ADGRL3: variants seen among roughly 807,000 people sequenced by gnomAD.
ADGRL3 encodes adhesion G protein-coupled receptor L3.
In ADGRL3, 62 loss-of-function variants were observed where a neutral mutation model predicts 153.5. The observed-to-expected ratio is 0.40, with a 90% CI of 0.33 to 0.50. The LOEUF (loss-of-function observed/expected upper bound fraction) is 0.50, where lower values mean the gene tolerates loss of function less well. Ranked by LOEUF, ADGRL3 falls within the 20% of genes least tolerant of loss-of-function variation. The pLI, the probability that ADGRL3 is intolerant of heterozygous loss-of-function variation, is 0.47. For synonymous variants in ADGRL3, 710 were observed against 672.5 expected, an observed-to-expected ratio of 1.06 and a Z score of -0.86; for missense variants, 1,641 against 1,859.4, an observed-to-expected ratio of 0.88 and a Z score of 2.16.
chr4:61,228,406 G>A (rs553496901), intron 1 of ADGRL3, among the ~76,000 whole-genome samples: 1 of 152,124 alleles, frequency 6.6e-6, no homozygotes, highest in South Asian at 2.1e-4. Flanking sequence ...CCATGTGGTT[G>A]TGGATATAGA....
At chr4:61,698,401 G>A (rs1033516702) in intron 6 of ADGRL3, among the ~76,000 whole-genome samples, 10 of 152,020 alleles carry the variant, frequency 6.6e-5, no homozygotes, top group African/African-American at 2.4e-4. Flanking sequence ...GCAGTGAGCC[G>A]AGATCACGCC....
At chr4:61,711,988 A>G (rs1317251614) in intron 6 of ADGRL3, among the ~76,000 whole-genome samples, 1 of 150,640 alleles carries the variant, frequency 6.6e-6, no homozygotes, top group Non-Finnish European at 1.5e-5. Flanking sequence ...CTATCAGGGA[A>G]AAACATGTTT....
intron 6 of ADGRL3, among the ~76,000 whole-genome samples, chr4:61,689,071 G>T (rs749265015): frequency 3.3e-5 from 5 of 152,158 alleles, no homozygotes; most frequent in Non-Finnish European, 7.4e-5. Context: ...AATCTACGCT[G>T]AGCTCACTGG....
chr4:61,872,878 T>C (rs2098453995), intron 9 of ADGRL3, among the ~76,000 whole-genome samples: 1 of 152,194 alleles, frequency 6.6e-6, no homozygotes, highest in African/African-American at 2.4e-5. Context: ...CCTAAACTGA[T>C]TGGTGTTTAT....
intron 9 of ADGRL3, among the ~76,000 whole-genome samples, chr4:61,848,629 A>G (rs2098165768): frequency 6.6e-6 from 1 of 152,108 alleles, no homozygotes; most frequent in Non-Finnish European, 1.5e-5. Context: ...GAGGGACACA[A>G]TTCAACCCAT....
At chr4:61,869,960 A>AG (rs1436029616) in intron 9 of ADGRL3, among the ~76,000 whole-genome samples, 17 of 101,876 alleles carry the variant, frequency 1.7e-4, no homozygotes, top group East Asian at 7.9e-4. Flanking sequence ...AAAAAAAAAA[A>AG]AGAGAGAGAG....
At chr4:61,228,692 T>C (rs570872370) in intron 1 of ADGRL3, among the ~76,000 whole-genome samples, 1 of 152,318 alleles carries the variant, frequency 6.6e-6, no homozygotes, top group African/African-American at 2.4e-5. Context: ...TGTCTGAACT[T>C]ACACTGCAGC....
intron 4 of ADGRL3, among the ~76,000 whole-genome samples, chr4:61,584,680 A>G (rs1305417374): frequency 6.6e-6 from 1 of 151,986 alleles, no homozygotes; most frequent in Non-Finnish European, 1.5e-5. Flanking sequence ...AAATGGTTAT[A>G]AAAGTTAAGA....
intron 11 of ADGRL3, among the ~76,000 whole-genome samples, chr4:61,907,035 G>T (rs1395785911): frequency 6.6e-6 from 1 of 152,020 alleles, no homozygotes. Context: ...TGTACATAAT[G>T]ATACTGTTAT....
At chr4:61,285,788 T>C (rs957252685) in intron 1 of ADGRL3, among the ~76,000 whole-genome samples, 1 of 151,742 alleles carries the variant, frequency 6.6e-6, no homozygotes, top group Non-Finnish European at 1.5e-5. Flanking sequence ...TGGTACCAGA[T>C]ATGAATAGAG....
intron 21 of ADGRL3, among the ~76,000 whole-genome samples, chr4:62,006,809 T>C (rs1342989993): frequency 6.6e-6 from 1 of 152,088 alleles, no homozygotes; most frequent in African/African-American, 2.4e-5. Flanking sequence ...AAATGGTGAC[T>C]TTCCAGCCAA....
chr4:61,291,615 TATATATATATAA>T, intron 1 of ADGRL3, among the ~76,000 whole-genome samples: 1 of 21,010 alleles, frequency 4.8e-5, no homozygotes, highest in African/African-American at 8.9e-5. Context: ...CACACACATA[TATATATATATAA>T]AATATTTATT....
chr4:61,280,503 T>C (rs1397954397), intron 1 of ADGRL3, among the ~76,000 whole-genome samples: 4 of 152,126 alleles, frequency 2.6e-5, no homozygotes, highest in Non-Finnish European at 4.4e-5. Context: ...TAGATTACCT[T>C]TAAGTACACC....
At chr4:61,788,850 A>G (rs115104921) in intron 8 of ADGRL3, among the ~76,000 whole-genome samples, 2 of 152,202 alleles carry the variant, frequency 1.3e-5, no homozygotes, top group South Asian at 2.1e-4. Context: ...GCTTTTTCCA[A>G]AATAAGATTT....
At chr4:61,370,390 C>T (rs1022733518) in intron 1 of ADGRL3, among the ~76,000 whole-genome samples, 8 of 151,526 alleles carry the variant, frequency 5.3e-5, no homozygotes, top group Non-Finnish European at 1.0e-4. Context: ...TCCGTCTACA[C>T]ACTGCTTTGA....
chr4:61,804,103 T>C (rs1460626749), intron 8 of ADGRL3, among the ~76,000 whole-genome samples: 1 of 152,152 alleles, frequency 6.6e-6, no homozygotes, highest in Non-Finnish European at 1.5e-5. Flanking sequence ...TATTTTAAAT[T>C]ATCTTGAAAA....
In ADGRL3 at chr4:62,062,781, G is replaced by A. The variant is rs544869266; in HGVS notation, c.3815-5385G>A. ...GTTGGAAAATGGAAAACGGAAAATG[G>A]AATTATATATGTGTATATTGCTTGA... On this transcript the variant is annotated intron_variant, in intron 25 of 26. Coordinates refer to ENST00000683033, the MANE Select transcript of ADGRL3 (RefSeq NM_001387552.1). Among the ~76,000 whole-genome samples the A allele has an allele frequency of 2.0e-5, 3 of 152,044 alleles. No individual in the cohort carries two copies. In the South Asian group the frequency reaches 6.2e-4, roughly 32 times the overall value.
intron 1 of ADGRL3, among the ~76,000 whole-genome samples, chr4:61,230,314 A>G (rs1448886441): frequency 6.6e-6 from 1 of 152,102 alleles, no homozygotes; most frequent in Non-Finnish European, 1.5e-5. Flanking sequence ...TAGATTGTCA[A>G]GATTAGTTTT....
At chr4:61,560,296 G>T (rs1055574906) in intron 4 of ADGRL3, among the ~76,000 whole-genome samples, 2 of 152,120 alleles carry the variant, frequency 1.3e-5, no homozygotes, top group African/African-American at 2.4e-5. Context: ...GATAATGCAT[G>T]TTGAGTATAA....
Sources: gnomAD v4.1 joint callset for allele counts (sites outside exome capture counted in the v4.1 genomes callset) on GRCh38, gnomAD v4.1.1 for gene constraint, MANE v1.5 for transcripts, NCBI Gene and HGNC (gene_info 2026-07-23, HGNC 2026-07-21) for gene names.